Variants in MAGI2 observed in about 807,000 individuals in gnomAD.
MAGI2 encodes membrane associated guanylate kinase, WW and PDZ domain containing 2, also known as membrane-associated guanylate kinase, WW and PDZ domain-containing protein 2.
A neutral mutation model predicts 133.3 loss-of-function variants in MAGI2; 35 were observed. The observed-to-expected ratio is 0.26, with a 90% CI of 0.20 to 0.35. MAGI2 has a LOEUF of 0.35. Among genes scored for constraint, MAGI2 ranks in the 10% least tolerant of loss-of-function variants. The pLI is 1.00. For synonymous variants in MAGI2, 729 were observed against 710.6 expected (o/e 1.03, Z -0.41); for missense variants, 1,636 against 1,863.4 (o/e 0.88, Z 2.25).
intron 6 of MAGI2, among the ~76,000 whole-genome samples, chr7:78,393,247 G>A (rs1157002838): frequency 1.3e-5 from 2 of 152,154 alleles, no homozygotes; most frequent in South Asian, 2.1e-4. Flanking sequence ...AGGAACAAAG[G>A]CATGGACCTG....
At chr7:78,510,404 T>C (rs752587024) in intron 4 of MAGI2, among the ~76,000 whole-genome samples, 1 of 152,204 alleles carries the variant, frequency 6.6e-6, no homozygotes, top group Non-Finnish European at 1.5e-5. Context: ...TAGAATATAG[T>C]AGGTGTTCAG....
chr7:79,235,386 C>G (rs1211277349), intron 1 of MAGI2, among the ~76,000 whole-genome samples: 2 of 152,078 alleles, frequency 1.3e-5, no homozygotes. Flanking sequence ...GGCGCCCCTC[C>G]CCCAGCCTCG....
At chr7:78,126,193 GGTGTGTGTGT>G (rs3085805) in intron 19 of MAGI2, among the ~76,000 whole-genome samples, 29 of 149,120 alleles carry the variant, frequency 1.9e-4, no homozygotes, top group African/African-American at 6.7e-4. Context: ...ATAAATGTCA[GGTGTGTGTGT>G]GTGTGTGTGT....
At chr7:78,068,447 A>G (rs529080083) in intron 21 of MAGI2, among the ~76,000 whole-genome samples, 3 of 152,056 alleles carry the variant, frequency 2.0e-5, no homozygotes, top group South Asian at 2.1e-4. Flanking sequence ...AGTGATAACA[A>G]TGTGTCAATG....
intron 4 of MAGI2, 94 bp downstream of exon 4, chr7:78,521,335 AT>A (rs1280260622): frequency 1.3e-6 from 1 of 777,866 alleles, no homozygotes; most frequent in East Asian, 2.6e-5. Context: ...CTTACTATGT[AT>A]CTGTATATAT....
intron 1 of MAGI2, among the ~76,000 whole-genome samples, chr7:79,233,848 T>A (rs1281666065): frequency 6.6e-6 from 1 of 151,464 alleles, no homozygotes; most frequent in Non-Finnish European, 1.5e-5. Context: ...TGATGTTAGC[T>A]GGTGATTTTG....
intron 9 of MAGI2, among the ~76,000 whole-genome samples, chr7:78,301,804 T>C (rs932809119): frequency 5.9e-5 from 9 of 152,236 alleles, no homozygotes; most frequent in African/African-American, 1.9e-4. Flanking sequence ...GAGTATGTGC[T>C]TAAGATCAGG....
At chr7:78,481,061 G>A (rs75318979) in intron 6 of MAGI2, among the ~76,000 whole-genome samples, 1 of 151,802 alleles carries the variant, frequency 6.6e-6, no homozygotes, top group African/African-American at 2.4e-5. Flanking sequence ...TTCTAGAAAA[G>A]CTTCTCCTAA....
At chr7:78,621,609 G>GA (rs1238670428) in intron 3 of MAGI2, among the ~76,000 whole-genome samples, 4 of 151,962 alleles carry the variant, frequency 2.6e-5, no homozygotes, top group African/African-American at 9.7e-5. Flanking sequence ...GGTGGAAGCA[G>GA]AAGAAAGGCT....
intron 1 of MAGI2, among the ~76,000 whole-genome samples, chr7:79,132,131 C>T (rs549422363): frequency 6.6e-6 from 1 of 152,000 alleles, no homozygotes; most frequent in East Asian, 1.9e-4. Flanking sequence ...GTAGATCACT[C>T]GCACTGGCTT....
At chr7:78,408,092 C>G (rs574354477) in intron 6 of MAGI2, among the ~76,000 whole-genome samples, 3 of 152,084 alleles carry the variant, frequency 2.0e-5, no homozygotes, top group African/African-American at 7.2e-5. Flanking sequence ...TGCTTATCAT[C>G]CAATTTCATA....
rs372380334 is a variant in MAGI2 at position 78,920,141 on chromosome 7, A to G, written c.418+86949T>C. On this transcript the variant is annotated intron_variant, in intron 2 of 21. Transcript: ENST00000354212. ...AAAGATGAGTCCCAATGACTCCATGAATTTCTACATCATTATTTTCATGTC... is the reference window on the plus strand; with the variant it reads ...AAAGATGAGTCCCAATGACTCCATGGATTTCTACATCATTATTTTCATGTC... Among the ~76,000 whole-genome samples, 44 of 152,212 alleles carry G rather than the reference A, an allele frequency of 2.9e-4. No individual in the cohort carries two copies. In the South Asian group the frequency reaches 5.8e-3, roughly 20 times the overall value.
intron 2 of MAGI2, among the ~76,000 whole-genome samples, chr7:78,662,344 G>T (rs1813054760): frequency 6.6e-6 from 1 of 152,200 alleles, no homozygotes; most frequent in Non-Finnish European, 1.5e-5. Flanking sequence ...GGGTTCCAAA[G>T]AATCTTGTAG....
At chr7:78,880,458 T>C (rs1359932720) in intron 2 of MAGI2, among the ~76,000 whole-genome samples, 1 of 152,128 alleles carries the variant, frequency 6.6e-6, no homozygotes, top group Non-Finnish European at 1.5e-5. Context: ...AAACAAGATT[T>C]TCATGTCCCC....
chr7:78,493,067 G>A (rs1404939006), intron 5 of MAGI2, among the ~76,000 whole-genome samples: 3 of 152,120 alleles, frequency 2.0e-5, no homozygotes, highest in Non-Finnish European at 2.9e-5. Flanking sequence ...TTTATCATAT[G>A]GGCATATCCC....
chr7:79,255,635 T>C (rs1009439760), intron 1 of MAGI2, among the ~76,000 whole-genome samples: 2 of 152,138 alleles, frequency 1.3e-5, no homozygotes, highest in Admixed American at 1.3e-4. Flanking sequence ...TCAGTGTCTC[T>C]GGAGGTCTGC....
At chr7:79,090,046 G>T (rs1015153964) in intron 1 of MAGI2, among the ~76,000 whole-genome samples, 3 of 151,670 alleles carry the variant, frequency 2.0e-5, no homozygotes, top group African/African-American at 4.8e-5. Flanking sequence ...TTAAAAAATA[G>T]AAGATTTTTA....
In MAGI2 at chr7:79,095,023, C is replaced by G. The variant is rs190934716; in HGVS notation, c.302-87817G>C. On this transcript the variant is annotated intron_variant, in intron 1 of 21. Transcript: ENST00000354212. ...AGTCTGGCCTTAGAATCTTTGAAGC[C>G]AGGCATTGAATTCCCTCTAGATAGG... Among the ~76,000 whole-genome samples the G allele has an allele frequency of 8.9e-4, 136 of 152,264 alleles. 1 individual carries two copies. Among genetic ancestry groups the G allele is most frequent in the African/African-American group, 3.1e-3 (128 of 41,566 alleles).
At chr7:78,171,321 T>C (rs776549917) in intron 14 of MAGI2, among the ~76,000 whole-genome samples, 7 of 152,218 alleles carry the variant, frequency 4.6e-5, no homozygotes, top group Non-Finnish European at 8.8e-5. Context: ...TTTGCGAACA[T>C]GCTTCAGGAT....
Sources: gnomAD v4.1 joint callset for allele counts (sites outside exome capture counted in the v4.1 genomes callset) on GRCh38, gnomAD v4.1.1 for gene constraint, MANE v1.5 for transcripts, NCBI Gene and HGNC (gene_info 2026-07-23, HGNC 2026-07-21) for gene names.